Variants in DLGAP1 observed in about 807,000 individuals in gnomAD.
DLGAP1 encodes disks large-associated protein 1.
DLGAP1 carries 11 observed loss-of-function variants against 90.8 expected under a neutral mutation model. The ratio of observed to expected loss-of-function variants is 0.12; its 90% CI spans 0.08 to 0.20. DLGAP1 has a LOEUF of 0.20. Among genes scored for constraint, DLGAP1 ranks in the 10% least tolerant of loss-of-function variants. The pLI, the probability that DLGAP1 is intolerant of heterozygous loss-of-function variation, is 1.00. For missense variants in DLGAP1, 1,050 were observed against 1,333.8 expected (o/e 0.79, Z 3.31); for synonymous variants, 558 against 540.7 (o/e 1.03, Z -0.44).
At chr18:4,409,701 G>T (rs1240559968) in intron 1 of DLGAP1, among the ~76,000 whole-genome samples, 1 of 151,962 alleles carries the variant, frequency 6.6e-6, no homozygotes, top group African/African-American at 2.4e-5. Context: ...GTTTGTTGGC[G>T]ATTTGTATAT....
chr18:3,792,777 G>A (rs995835870), intron 5 of DLGAP1, among the ~76,000 whole-genome samples: 1 of 152,168 alleles, frequency 6.6e-6, no homozygotes, highest in African/African-American at 2.4e-5. Flanking sequence ...ATAATGTACT[G>A]GGGCTTGTGC....
At chr18:3,568,420 A>G (rs2054557854) in intron 8 of DLGAP1, among the ~76,000 whole-genome samples, 1 of 152,146 alleles carries the variant, frequency 6.6e-6, no homozygotes, top group African/African-American at 2.4e-5. Context: ...AAAATATACC[A>G]TATAGAACTA....
intron 7 of DLGAP1, among the ~76,000 whole-genome samples, chr18:3,626,007 A>G (rs1336455166): frequency 1.3e-5 from 2 of 152,228 alleles, no homozygotes; most frequent in African/African-American, 4.8e-5. Flanking sequence ...GTGGGAGATG[A>G]AAATGTGGCT....
rs761770912 is a variant in DLGAP1 at position 3,879,545 on chromosome 18, G to C, written c.524C>G (p.Ala175Gly). ...CTTGCTGCGTTTGCCATAGCGCGCC[G>C]CCTGCGCCTCGTCAGGGCTGGCCTT... ...GGKASPDEAQ[A>G]ARYGKRSKSK... is the part of the protein sequence containing the mutation. The change falls in exon 4 of 13, where the codon GCG (alanine) becomes GGG (glycine). Residue 175 changes from alanine to glycine, a missense_variant. This residue lies in a region of DLGAP1 where 485 missense variants were observed against 454.1 expected (regional missense o/e 1.07). Coordinates refer to ENST00000315677, the MANE Select transcript of DLGAP1 (RefSeq NM_004746.4). This position sits in a 1 kb window ranked among gnomAD's most constrained non-coding sequence, Gnocchi z 6.6. 3 of 1,599,346 alleles carry C rather than the reference G, an allele frequency of 1.9e-6. No homozygotes were observed. In the Admixed American group the frequency reaches 5.0e-5, roughly 27 times the overall value.
intron 9 of DLGAP1, among the ~76,000 whole-genome samples, chr18:3,560,028 ATTCAT>A (rs2053985514): frequency 6.6e-6 from 1 of 152,176 alleles, no homozygotes; most frequent in South Asian, 2.1e-4. Context: ...CATTGCTGCC[ATTCAT>A]TTCATTTATA....
At chr18:4,301,380 G>C (rs1002230129) in intron 1 of DLGAP1, among the ~76,000 whole-genome samples, 1 of 152,182 alleles carries the variant, frequency 6.6e-6, no homozygotes, top group South Asian at 2.1e-4. Context: ...GTGAGAATGT[G>C]TAGTATTTGT....
chr18:4,303,547 C>A, intron 1 of DLGAP1, among the ~76,000 whole-genome samples: 1 of 152,136 alleles, frequency 6.6e-6, no homozygotes, highest in East Asian at 1.9e-4. Flanking sequence ...GCTACAGCAC[C>A]ATCAAATTTT....
intron 4 of DLGAP1, among the ~76,000 whole-genome samples, chr18:3,818,196 A>AT (rs2067199123): frequency 6.6e-6 from 1 of 152,198 alleles, no homozygotes; most frequent in Admixed American, 6.5e-5. Flanking sequence ...CAAAATGAGG[A>AT]TTAGTGTGCA....
intron 1 of DLGAP1, among the ~76,000 whole-genome samples, chr18:4,240,499 T>A (rs568128005): frequency 6.6e-6 from 1 of 152,242 alleles, no homozygotes; most frequent in East Asian, 1.9e-4. Context: ...CTAATTATAA[T>A]CTCTTGAAAT....
chr18:4,380,289 C>G (rs1427136384), intron 1 of DLGAP1, among the ~76,000 whole-genome samples: 2 of 152,060 alleles, frequency 1.3e-5, no homozygotes, highest in African/African-American at 4.8e-5. Context: ...TCCACTAAAA[C>G]AAAAGAAAAT....
At chr18:3,891,013 A>G (rs2071445289) in intron 3 of DLGAP1, among the ~76,000 whole-genome samples, 1 of 152,212 alleles carries the variant, frequency 6.6e-6, no homozygotes, top group Non-Finnish European at 1.5e-5. Flanking sequence ...TAATTCAACA[A>G]CTATTTATTG....
At chr18:3,887,952 C>CA (rs1267299341) in intron 3 of DLGAP1, among the ~76,000 whole-genome samples, 1 of 151,262 alleles carries the variant, frequency 6.6e-6, no homozygotes, top group African/African-American at 2.4e-5. Context: ...ACTAAAAATA[C>CA]AAAAAATTAG....
At chr18:3,826,044 C>T (rs897592397) in intron 4 of DLGAP1, among the ~76,000 whole-genome samples, 3 of 152,158 alleles carry the variant, frequency 2.0e-5, no homozygotes, top group African/African-American at 7.2e-5. Context: ...CAAATACTGC[C>T]TGTTCTCACT....
intron 7 of DLGAP1, among the ~76,000 whole-genome samples, chr18:3,712,549 T>C (rs910344944): frequency 6.6e-6 from 1 of 152,206 alleles, no homozygotes; most frequent in Non-Finnish European, 1.5e-5. Flanking sequence ...TAGGGACCCA[T>C]AGTGTTATTT....
At chr18:3,680,788 CAAAAAAA>C (rs71160910) in intron 7 of DLGAP1, among the ~76,000 whole-genome samples, 1 of 94,744 alleles carries the variant, frequency 1.1e-5, no homozygotes, top group Non-Finnish European at 2.2e-5. Context: ...GACTCCGTCT[CAAAAAAA>C]AAAAAAAAAA....
intron 2 of DLGAP1, among the ~76,000 whole-genome samples, chr18:4,080,169 G>T (rs1368030943): frequency 6.6e-6 from 1 of 152,112 alleles, no homozygotes; most frequent in Non-Finnish European, 1.5e-5. Context: ...CCTAAAAATA[G>T]ACATATTGCA....
chr18:4,060,066 C>G (rs2075278174), intron 2 of DLGAP1, among the ~76,000 whole-genome samples: 1 of 152,222 alleles, frequency 6.6e-6, no homozygotes, highest in African/African-American at 2.4e-5. Context: ...AGCTCTGCCA[C>G]TGGAAACAGT....
At chr18:4,152,717 T>G (rs2076695167) in intron 1 of DLGAP1, among the ~76,000 whole-genome samples, 1 of 152,130 alleles carries the variant, frequency 6.6e-6, no homozygotes, top group East Asian at 1.9e-4. Flanking sequence ...ACACTTGACT[T>G]TCACACATAC....
At position 3,825,775 on chromosome 18, in the gene DLGAP1, G is replaced by C. The variant is rs142962889; in HGVS notation, c.958-11502C>G. 1.5e-3 allele frequency among the ~76,000 whole-genome samples: 227 copies of C among 152,212 alleles called. 1 individual carries two copies. Among genetic ancestry groups the C allele is most frequent in the African/African-American group, 5.2e-3 (215 of 41,548 alleles). ...CATTTGACCCAGCAATCATAGTACTGAGTATATATAGGAAAATAAAGCACT... is the reference window on the plus strand; with the variant it reads ...CATTTGACCCAGCAATCATAGTACTCAGTATATATAGGAAAATAAAGCACT... On this transcript the variant is annotated intron_variant, in intron 4 of 12. Transcript: ENST00000315677.
Sources: allele counts gnomAD v4.1 joint callset (sites outside exome capture counted in the v4.1 genomes callset), GRCh38; gene constraint gnomAD v4.1.1; regional missense constraint gnomAD v4.1.1; non-coding constraint Gnocchi (gnomAD v3.1); transcripts MANE v1.5; gene names NCBI Gene and HGNC (gene_info 2026-07-23, HGNC 2026-07-21).